The following FIG4 variants were observed in gnomAD, a reference collection of about 807,000 sequenced individuals.
FIG4 encodes the protein FIG4 phosphoinositide 5-phosphatase, also known as polyphosphoinositide phosphatase.
A neutral mutation model predicts 118.6 loss-of-function variants in FIG4; 112 were observed. The observed-to-expected ratio is 0.94, with a 90% CI of 0.81 to 1.11. The LOEUF (loss-of-function observed/expected upper bound fraction) is 1.11, where lower values mean the gene tolerates loss of function less well. FIG4 is among the 50% of genes least tolerant of loss of function. FIG4 has a pLI of 0.00. For synonymous variants in FIG4, 369 were observed against 381.2 expected (o/e 0.97, Z 0.37); for missense variants, 969 against 1,111.7 (o/e 0.87, Z 1.83).
chr6:109,762,873 T>C (rs1274011769), intron 12 of FIG4, among the ~76,000 whole-genome samples: 1 of 152,096 alleles, frequency 6.6e-6, no homozygotes, highest in East Asian at 1.9e-4. Context: ...CTGAAAGGAC[T>C]CCGCCTATTG....
At chr6:109,799,206 C>T (rs1048784949) in intron 22 of FIG4, among the ~76,000 whole-genome samples, 6 of 152,190 alleles carry the variant, frequency 3.9e-5, no homozygotes, top group Middle Eastern at 3.2e-3. Flanking sequence ...ATGAAAACCA[C>T]GTGGATCTAG....
At chr6:109,691,619 C>CCT in intron 1 of FIG4, 118 bp downstream of exon 1, 1 of 955,044 alleles carries the variant, frequency 1.0e-6, no homozygotes, top group South Asian at 1.4e-5. Flanking sequence ...GTTCCCAAAT[C>CCT]CCTGTCAAAC....
In FIG4 at chr6:109,691,378, T is replaced by A; in HGVS notation, c.-58T>A. 7.0e-7 allele frequency: 1 copy of A among 1,435,196 alleles called. No homozygotes were observed. The highest frequency in any genetic ancestry group is 9.6e-7 in the Non-Finnish European group (1 of 1,040,214). The allele number at this position is 1,435,196 out of a possible 1,614,324, so 88.9% of individuals were successfully genotyped here. A position where few individuals can be genotyped will look rare whatever the true frequency, so the allele number is the denominator to read the frequency against. On this transcript the variant is annotated 5_prime_UTR_variant, in exon 1 of 23. Coordinates refer to ENST00000230124, the MANE Select transcript of FIG4 (RefSeq NM_014845.6). ...GGGCCTGAGGGGTTTTCTCGCCGAG[T>A]CTCCTGGGGCGGTCCGGAGGCTCGT... is the stretch of plus-strand genomic sequence containing the variant.
chr6:109,813,616 C>T (rs529725278), intron 22 of FIG4, among the ~76,000 whole-genome samples: 35 of 152,146 alleles, frequency 2.3e-4, no homozygotes, highest in Non-Finnish European at 3.7e-4. Context: ...CAGGGGATAA[C>T]GGTGTGGTAG....
rs746852748 is a variant in FIG4, at chr6:109,722,797, G to A, written c.290-4312G>A. ...GAGTAGAGCCTCTACCCTGTGAGTCGGTGCTTGGTTGAAGGAAGGAGCCCA... is the reference window on the plus strand; with the variant it reads ...GAGTAGAGCCTCTACCCTGTGAGTCAGTGCTTGGTTGAAGGAAGGAGCCCA... On this transcript the variant is annotated intron_variant, in intron 3 of 22. Coordinates refer to ENST00000230124, the MANE Select transcript of FIG4 (RefSeq NM_014845.6). Among the ~76,000 whole-genome samples the A allele has an allele frequency of 3.3e-5, 5 of 152,048 alleles. No homozygotes were observed. The East Asian group carries it at 5.8e-4, about 18-fold the overall frequency.
chr6:109,749,724 ACT>A (rs1776632364), intron 10 of FIG4, among the ~76,000 whole-genome samples: 1 of 152,126 alleles, frequency 6.6e-6, no homozygotes, highest in African/African-American at 2.4e-5. Context: ...AATTGTGCAC[ACT>A]CAAAAAATAC....
At chr6:109,701,353 A>T (rs1391998023) in intron 1 of FIG4, among the ~76,000 whole-genome samples, 1 of 152,210 alleles carries the variant, frequency 6.6e-6, no homozygotes, top group Non-Finnish European at 1.5e-5. Flanking sequence ...TGCAACTAGG[A>T]GTTTCCAGCA....
At chr6:109,710,893 A>G (rs1348235399) in intron 1 of FIG4, among the ~76,000 whole-genome samples, 8 of 140,796 alleles carry the variant, frequency 5.7e-5, no homozygotes, top group Non-Finnish European at 1.2e-4. Context: ...TCCGGTCTAT[A>G]TACTTTATTA....
At chr6:109,771,349 A>AT (rs1583710283) in intron 15 of FIG4, among the ~76,000 whole-genome samples, 1 of 151,116 alleles carries the variant, frequency 6.6e-6, no homozygotes, top group East Asian at 2.0e-4. Flanking sequence ...CAAAATGACT[A>AT]TTTCATAACT....
At chr6:109,704,172 T>C (rs556264190) in intron 1 of FIG4, among the ~76,000 whole-genome samples, 1 of 152,336 alleles carries the variant, frequency 6.6e-6, no homozygotes, top group Non-Finnish European at 1.5e-5. Flanking sequence ...AGCTATCTGC[T>C]TAAAGGTAAT....
rs1279933182 is a variant in FIG4 at position 109,716,510 on chromosome 6, G to A, written c.231G>A (p.Lys77=). The change falls in exon 3 of 23, where the codon AAG becomes AAA. Residue 77 remains lysine (K), a synonymous_variant. Transcript: ENST00000230124. ...LGRLDLGNRT[K]MGQKGSSGLF... ...GCTTGGATCTTGGAAATAGAACAAAGATGGGACAGAAAGGATCCTCGGGCT... is the reference window on the plus strand; with the variant it reads ...GCTTGGATCTTGGAAATAGAACAAAAATGGGACAGAAAGGATCCTCGGGCT... 1 of 1,613,944 alleles carries A rather than the reference G, an allele frequency of 6.2e-7. No homozygotes were observed. Among genetic ancestry groups the A allele is most frequent in the Non-Finnish European group, 8.5e-7 (1 of 1,179,858 alleles).
chr6:109,781,745 A>G (rs1412460562), intron 16 of FIG4, among the ~76,000 whole-genome samples: 2 of 149,848 alleles, frequency 1.3e-5, no homozygotes, highest in Admixed American at 6.8e-5. Flanking sequence ...TGTACCTTTA[A>G]TGAATACTTC....
At chr6:109,821,402 T>C (rs1386350035) in intron 22 of FIG4, among the ~76,000 whole-genome samples, 1 of 152,198 alleles carries the variant, frequency 6.6e-6, no homozygotes, top group East Asian at 1.9e-4. Context: ...AATCTCATCA[T>C]AGAATTATAA....
intron 22 of FIG4, 152 bp downstream of exon 22, chr6:109,797,003 C>T (rs1778307506): frequency 1.5e-6 from 1 of 648,460 alleles, no homozygotes; most frequent in Non-Finnish European, 2.8e-6. Flanking sequence ...TTGAGGAAAA[C>T]TGGGTCTCTG....
At chr6:109,714,014 G>A (rs536438588) in intron 1 of FIG4, among the ~76,000 whole-genome samples, 1 of 152,230 alleles carries the variant, frequency 6.6e-6, no homozygotes, top group Admixed American at 6.5e-5. Context: ...TCAACCCTAG[G>A]GGGATGAGTG....
At chr6:109,752,599 G>T (rs929102066) in intron 10 of FIG4, among the ~76,000 whole-genome samples, 61 of 152,306 alleles carry the variant, frequency 4.0e-4, no homozygotes, top group African/African-American at 1.3e-3. Context: ...GTGATGATGA[G>T]CATTTTTTCA....
intron 15 of FIG4, among the ~76,000 whole-genome samples, chr6:109,775,124 T>A (rs1777582518): frequency 6.6e-6 from 1 of 152,204 alleles, no homozygotes; most frequent in Non-Finnish European, 1.5e-5. Context: ...AAGTGGCTAA[T>A]CATTTCGCCC....
rs146883268 is a variant in FIG4, at chr6:109,728,108, C to T, written c.446+843C>T. On this transcript the variant is annotated intron_variant, in intron 4 of 22. Transcript: ENST00000230124. ...GGAGTATAATAATGGTTTGCGGTCA[C>T]TGAGGAGATTGTCCTTGTTTATAAC... 3.8e-3 allele frequency among the ~76,000 whole-genome samples: 573 copies of T among 152,282 alleles called. 3 individuals are homozygous for T. The highest frequency in any genetic ancestry group is 0.013 in the African/African-American group (550 of 41,556).
At chr6:109,810,611 G>A (rs1013857775) in intron 22 of FIG4, among the ~76,000 whole-genome samples, 5 of 152,154 alleles carry the variant, frequency 3.3e-5, no homozygotes, top group Admixed American at 2.0e-4. Flanking sequence ...TTCCTCCTGT[G>A]CTGCATACGC....
Sources: allele counts gnomAD v4.1 joint callset (sites outside exome capture counted in the v4.1 genomes callset), GRCh38; gene constraint gnomAD v4.1.1; transcripts MANE v1.5; gene names NCBI Gene and HGNC (gene_info 2026-07-23, HGNC 2026-07-21).